Variants in CCDC18 observed in about 807,000 individuals in gnomAD.
The protein encoded by CCDC18 is coiled-coil domain-containing protein 18.
Under a neutral mutation model 196.0 loss-of-function variants are expected in CCDC18, and 157 were observed. The observed-to-expected ratio is 0.80, with a 90% CI of 0.70 to 0.91. The LOEUF (loss-of-function observed/expected upper bound fraction) is 0.91, where lower values mean the gene tolerates loss of function less well. Among genes scored for constraint, CCDC18 ranks in the 40% least tolerant of loss-of-function variants. The pLI, the probability that CCDC18 is intolerant of heterozygous loss-of-function variation, is 0.00. For synonymous variants in CCDC18, 482 were observed against 529.2 expected (o/e 0.91, Z 1.22); for missense variants, 1,465 against 1,611.6 (o/e 0.91, Z 1.56).
chr1:93,266,663 C>G (rs1357632732), intron 27 of CCDC18, among the ~76,000 whole-genome samples: 2 of 152,292 alleles, frequency 1.3e-5, no homozygotes, highest in South Asian at 2.1e-4. Flanking sequence ...ATACTATAAA[C>G]ACCTCTACAC....
intron 28 of CCDC18, among the ~76,000 whole-genome samples, chr1:93,274,359 G>A (rs771995329): frequency 3.9e-5 from 6 of 151,986 alleles, no homozygotes; most frequent in African/African-American, 4.8e-5. Flanking sequence ...CCGAGACTGC[G>A]CCACAGCACT....
chr1:93,181,019 T>C (rs1571301679), intron 1 of CCDC18, 167 bp downstream of exon 1: 1 of 635,664 alleles, frequency 1.6e-6, no homozygotes, highest in South Asian at 1.5e-5. Context: ...TGTATTTTAT[T>C]TGATGAAAAA....
intron 7 of CCDC18, among the ~76,000 whole-genome samples, chr1:93,204,824 C>T (rs1289431458): frequency 6.6e-6 from 1 of 151,672 alleles, no homozygotes; most frequent in African/African-American, 2.4e-5. Context: ...TTAATCAGAA[C>T]GCTGTTTTGA....
At chr1:93,216,937 T>TTTTA (rs1557641281) in intron 13 of CCDC18, among the ~76,000 whole-genome samples, 191 bp downstream of exon 13, 1 of 66,736 alleles carries the variant, frequency 1.5e-5, no homozygotes, top group Non-Finnish European at 2.6e-5. Flanking sequence ...AGTTTTCTCT[T>TTTTA]TTTTTTTTTT....
chr1:93,234,681 G>C (rs185012687), intron 18 of CCDC18, among the ~76,000 whole-genome samples: 4 of 152,256 alleles, frequency 2.6e-5, no homozygotes, highest in Admixed American at 2.6e-4. Flanking sequence ...ATTAAGAATT[G>C]AGTAGGTGGA....
chr1:93,271,379 A>G, intron 28 of CCDC18: 1 of 985,200 alleles, frequency 1.0e-6, no homozygotes, highest in South Asian at 4.7e-5. Flanking sequence ...TTCTCTTTAA[A>G]AGAAAGATAT....
At chr1:93,222,580 G>A (rs892763264) in intron 16 of CCDC18, among the ~76,000 whole-genome samples, 6 of 152,088 alleles carry the variant, frequency 3.9e-5, no homozygotes, top group African/African-American at 1.4e-4. Flanking sequence ...TTAAAAACAT[G>A]GGCTTTGTTG....
Position 93,239,833 on chromosome 1 carries a change from A to G in CCDC18, c.2918A>G (p.Gln973Arg), listed in dbSNP as rs1195553286. The stretch of plus-strand genomic sequence containing the variant: ...CTCCAGGAATTGAGAGATGTACTAC[A>G]GAAGGCTCAATTATCATTAGAGGAA... ...RQLQELRDVL[Q>R]KAQLSLEEKY... Residue 973 changes from glutamine to arginine, a missense_variant, in exon 21 of 29, where the codon CAG becomes CGG. Coordinates refer to ENST00000690025, the MANE Select transcript of CCDC18 (RefSeq NM_001378204.1). 6.2e-7 allele frequency: 1 copy of G among 1,613,630 alleles called. No individual in the cohort carries two copies. Among genetic ancestry groups the G allele is most frequent in the Non-Finnish European group, 8.5e-7 (1 of 1,179,648 alleles).
Position 93,270,396 on chromosome 1 carries a change from C to T in CCDC18, c.3935C>T (p.Ala1312Val). The stretch of plus-strand genomic sequence containing the variant: ...GCCAAAATTTCTGGACATGAAAAGG[C>T]AGAAGACATCAAGTTTCTGCCAGCC... ...LQAKISGHEK[A>V]EDIKFLPAPF... is the part of the protein sequence containing the mutation. The change falls in exon 28 of 29, where the codon GCA (alanine) becomes GTA (valine). Residue 1312 changes from alanine to valine, a missense_variant. Physicochemically the swap from Ala to Val is moderately conservative, Grantham distance 64. Transcript: ENST00000690025. The T allele has an allele frequency of 6.5e-7, 1 of 1,550,196 alleles. No individual in the cohort carries two copies.
At chr1:93,191,974 C>T in intron 4 of CCDC18, 26 bp from the exon 5 acceptor site, 2 of 1,487,306 alleles carry the variant, frequency 1.3e-6, no homozygotes, top group Non-Finnish European at 1.9e-6. Context: ...TCTGAAAGTA[C>T]TATAAAAGTT....
chr1:93,208,975 T>C (rs1209530874), intron 9 of CCDC18, among the ~76,000 whole-genome samples: 1 of 152,162 alleles, frequency 6.6e-6, no homozygotes, highest in African/African-American at 2.4e-5. Context: ...TTTATTTTTT[T>C]GAAACGAAGT....
At position 93,232,595 on chromosome 1, in the gene CCDC18, T is replaced by C. The variant is rs1288825785; in HGVS notation, c.2460+2T>C. On this transcript the variant is annotated splice_donor_variant, in intron 18 of 28. Coordinates refer to ENST00000690025, the MANE Select transcript of CCDC18 (RefSeq NM_001378204.1). LOFTEE classifies it high-confidence loss of function. ...ACTCAAACTAAACTTGAAAAACAGGTATATATTATTAGCCCAAGATTGTTT... is the reference window on the plus strand; with the variant it reads ...ACTCAAACTAAACTTGAAAAACAGGCATATATTATTAGCCCAAGATTGTTT... 1 of 1,558,356 alleles carries C rather than the reference T, an allele frequency of 6.4e-7. No individual in the cohort carries two copies. The highest frequency in any genetic ancestry group is 8.8e-7 in the Non-Finnish European group (1 of 1,142,794).
intron 6 of CCDC18, among the ~76,000 whole-genome samples, chr1:93,198,835 A>G (rs1403384033): frequency 6.6e-6 from 1 of 151,952 alleles, no homozygotes; most frequent in Non-Finnish European, 1.5e-5. Flanking sequence ...TTTTTTACAC[A>G]TGGGTCTCAC....
Position 93,226,390 on chromosome 1 carries a change from A to C in CCDC18, c.2233A>C (p.Asn745His), listed in dbSNP as rs766262826. Residue 745 changes from asparagine to histidine, a missense_variant, in exon 17 of 29, where the codon AAT becomes CAT. Transcript: ENST00000690025. Reference sequence around the variant, plus strand: ...TAAGGAAGAACTTGTCTTGCATTTGAATCAATTGGAAGGAAATAAGGAAAA... The same window carrying C: ...TAAGGAAGAACTTGTCTTGCATTTGCATCAATTGGAAGGAAATAAGGAAAA... ...ICKEELVLHL[N>H]QLEGNKEKFE... 5.6e-6 allele frequency: 9 copies of C among 1,599,516 alleles called. No homozygotes were observed. Among genetic ancestry groups the C allele is most frequent in the Non-Finnish European group, 7.7e-6 (9 of 1,171,874 alleles).
At chr1:93,267,927 A>G (rs1423623701) in intron 27 of CCDC18, among the ~76,000 whole-genome samples, 3 of 152,212 alleles carry the variant, frequency 2.0e-5, no homozygotes, top group Non-Finnish European at 4.4e-5. Flanking sequence ...ACAAAACTGG[A>G]AAACAACTAC....
chr1:93,183,915 T>G lies in CCDC18; in HGVS notation c.135-63T>G, dbSNP rs1488284916. ...AGGTTTTCTATTTTCTTATTTAATG[T>G]ATAGCAATTTGTAGTGAATAAACTA... is the stretch of plus-strand genomic sequence containing the variant. On this transcript the variant is annotated intron_variant, in intron 2 of 28. Transcript: ENST00000690025. 6 of 1,036,284 alleles carry G rather than the reference T, an allele frequency of 5.8e-6. No individual in the cohort carries two copies. The African/African-American group carries it at 9.9e-5, about 17-fold the overall frequency. 64.2% of individuals were successfully genotyped at this position (1,036,284 alleles called of 1,614,324 possible). A position where few individuals can be genotyped will look rare whatever the true frequency, so the allele number is the denominator to read the frequency against.
At chr1:93,249,945 T>A (rs1460856291) in intron 23 of CCDC18, among the ~76,000 whole-genome samples, 1 of 152,180 alleles carries the variant, frequency 6.6e-6, no homozygotes, top group East Asian at 1.9e-4. Flanking sequence ...TTTCAAGACA[T>A]TAAAATTTTT....
intron 6 of CCDC18, among the ~76,000 whole-genome samples, chr1:93,194,345 T>C (rs894449785): frequency 2.6e-5 from 4 of 152,204 alleles, no homozygotes; most frequent in African/African-American, 9.6e-5. Context: ...TTTAAACTAA[T>C]AAGATTTTAT....
chr1:93,199,314 C>T (rs993606516), intron 6 of CCDC18, among the ~76,000 whole-genome samples: 15 of 152,200 alleles, frequency 9.9e-5, no homozygotes, highest in African/African-American at 3.1e-4. Context: ...CCAGGCATGC[C>T]GGCTGTGGTG....
Sources: allele counts gnomAD v4.1 joint callset (sites outside exome capture counted in the v4.1 genomes callset), GRCh38; gene constraint gnomAD v4.1.1; transcripts MANE v1.5; gene names NCBI Gene and HGNC (gene_info 2026-07-23, HGNC 2026-07-21).